Variants in SLC44A4 observed in about 807,000 individuals in gnomAD.
SLC44A4 encodes the protein solute carrier family 44 member 4.
SLC44A4 carries 74 observed loss-of-function variants against 97.0 expected under a neutral mutation model. That is an observed-to-expected ratio of 0.76 (90% CI 0.63 to 0.93). The LOEUF (loss-of-function observed/expected upper bound fraction) is 0.93. Among genes scored for constraint, SLC44A4 ranks in the 40% least tolerant of loss-of-function variants. The pLI is 0.00. For missense variants in SLC44A4, 799 were observed against 902.9 expected, an observed-to-expected ratio of 0.88 and a Z score of 1.48; for synonymous variants, 325 against 363.8, an observed-to-expected ratio of 0.89 and a Z score of 1.21.
At chr6:31,869,318 G>A in intron 12 of SLC44A4, 61 bp from the exon 13 acceptor site, 1 of 1,336,018 alleles carries the variant, frequency 7.5e-7, no homozygotes, top group Non-Finnish European at 1.0e-6. Context: ...TCGCTCCTTA[G>A]GGACCTGTTC....
At chr6:31,864,968 C>T in intron 18 of SLC44A4, 42 bp downstream of exon 18, 3 of 1,613,822 alleles carry the variant, frequency 1.9e-6, no homozygotes, top group Non-Finnish European at 2.5e-6. Flanking sequence ...TTCAGCTGCC[C>T]AGCACCCCTA....
intron 7 of SLC44A4, among the ~76,000 whole-genome samples, chr6:31,873,357 AT>A (rs997742248): frequency 1.3e-5 from 2 of 151,604 alleles, no homozygotes; most frequent in Non-Finnish European, 2.9e-5. Context: ...TAAGTTTTGT[AT>A]TTTTAGTAGA....
chr6:31,863,865 C>A, intron 20 of SLC44A4, 117 bp from the exon 21 acceptor site: 2 of 1,379,996 alleles, frequency 1.4e-6, no homozygotes, highest in Non-Finnish European at 2.0e-6. Flanking sequence ...TACCCCCGGG[C>A]AGGTTATGTA....
At position 31,863,331 on chromosome 6, in the gene SLC44A4, T is replaced by G; in HGVS notation, c.*296A>C. On this transcript the variant is annotated 3_prime_UTR_variant, in exon 21 of 21. Coordinates refer to ENST00000229729, the MANE Select transcript of SLC44A4 (RefSeq NM_025257.3). ...ACCTCTGCCTCCCGGGTTCAAGCGA[T>G]TCTCCTGCCTCAGCCTCCCGAGTAG... The G allele has an allele frequency of 3.4e-6, 1 of 295,480 alleles. No homozygotes were observed. Among genetic ancestry groups the G allele is most frequent in the Non-Finnish European group, 6.3e-6 (1 of 158,882 alleles). The allele number at this position is 295,480 out of a possible 1,614,324, so 18.3% of individuals were successfully genotyped here. A position where few individuals can be genotyped will look rare whatever the true frequency, so the allele number is the denominator to read the frequency against.
rs879861937 is a variant in SLC44A4 at position 31,878,696 on chromosome 6, C to T, written c.40+245G>A. 2.9e-4 allele frequency among the ~76,000 whole-genome samples: 44 copies of T among 152,098 alleles called. No individual in the cohort carries two copies. Among genetic ancestry groups the T allele is most frequent in the Non-Finnish European group, 1.3e-4 (9 of 68,012 alleles). On this transcript the variant is annotated intron_variant, in intron 1 of 20. Transcript: ENST00000229729. This position sits in a 1 kb window ranked among gnomAD's most constrained non-coding sequence, Gnocchi z 4.0. The stretch of plus-strand genomic sequence containing the variant: ...CCCCCTCCTCCCAAGGACCTCAGCC[C>T]CAACTCTTCAGAGGCACCCAGCTTC...
chr6:31,871,521 C>G lies in SLC44A4; in HGVS notation c.570G>C (p.Pro190=). 2 of 1,613,816 alleles carry G rather than the reference C, an allele frequency of 1.2e-6. No individual in the cohort carries two copies. Among genetic ancestry groups the G allele is most frequent in the Admixed American group, 1.7e-5 (1 of 60,002 alleles). Residue 190 remains proline, a synonymous_variant, in exon 8 of 21, where the codon CCG becomes CCC. Coordinates refer to ENST00000229729, the MANE Select transcript of SLC44A4 (RefSeq NM_025257.3). ...TGTCATTGGTGATCCCTGGGAGCGC[C>G]GGTGGAGTAACGTTGGTCCATGGAA... ...RCFPWTNVTP[P]ALPGITNDTT... is the part of the protein sequence containing the mutation.
rs987345880 is a variant in SLC44A4, at chr6:31,876,431, G to A, written c.90-302C>T. 6.6e-6 allele frequency among the ~76,000 whole-genome samples: 1 copy of A among 151,946 alleles called. No homozygotes were observed. Among genetic ancestry groups the A allele is most frequent in the East Asian group, 1.9e-4 (1 of 5,170 alleles). Reference sequence around the variant, plus strand: ...TTACAGGCGCGTGCCACTACTGCCCGGCTAATTTTTTTTAAATATTTTATT... The same window carrying A: ...TTACAGGCGCGTGCCACTACTGCCCAGCTAATTTTTTTTAAATATTTTATT... On this transcript the variant is annotated intron_variant, in intron 2 of 20. Transcript: ENST00000229729. This position sits in a 1 kb window ranked among gnomAD's most constrained non-coding sequence, Gnocchi z 4.8.
intron 7 of SLC44A4, among the ~76,000 whole-genome samples, chr6:31,872,885 A>ATTT (rs9281618): frequency 5.6e-5 from 8 of 143,386 alleles, no homozygotes; most frequent in African/African-American, 1.0e-4. Flanking sequence ...AAATTGTCTA[A>ATTT]TTTTTTTTTT....
Position 31,870,606 on chromosome 6 carries a change from CT to C in SLC44A4, c.1033del (p.Ser345AlafsTer7), listed in dbSNP as rs778518093. 6.3e-7 allele frequency: 1 copy of C among 1,595,928 alleles called. No individual in the cohort carries two copies. The highest frequency in any genetic ancestry group is 8.5e-7 in the Non-Finnish European group (1 of 1,172,012). ...TCCCTCCCAGGCAGGCCCTAACTTG[CT>C]GGCCTCCTTCAGGAGGGCGATGGCA... The part of the protein sequence containing the change: ...RIAIALLKEA[S>X]KAVGQMMSTM... On this transcript the variant is annotated frameshift_variant, in exon 11 of 21. Coordinates refer to ENST00000229729, the MANE Select transcript of SLC44A4 (RefSeq NM_025257.3). LOFTEE classifies it high-confidence loss of function.
Position 31,875,880 on chromosome 6 carries a change from C to T in SLC44A4, c.214G>A (p.Gly72Arg). The T allele has an allele frequency of 6.2e-7, 1 of 1,613,198 alleles. No individual in the cohort carries two copies. Among genetic ancestry groups the T allele is most frequent in the Non-Finnish European group, 8.5e-7 (1 of 1,179,696 alleles). The part of the protein sequence containing the change: ...RQVLYPRNST[G>R]AYCGMGENKD... Reference sequence around the variant, plus strand: ...TTCTCCCCCATGCCACAGTAGGCCCCAGTAGAGTTCCTGGGGTAGAGGACT... The same window carrying T: ...TTCTCCCCCATGCCACAGTAGGCCCTAGTAGAGTTCCTGGGGTAGAGGACT... The change falls in exon 4 of 21, where the codon GGG becomes AGG. Residue 72 changes from glycine (G) to arginine (R), a missense_variant. Gly to Arg is a moderately radical substitution (Grantham distance 125, BLOSUM62 -2). This residue lies in a region of SLC44A4 where 409 missense variants were observed against 434.1 expected (regional missense o/e 0.94). Transcript: ENST00000229729.
At position 31,863,710 on chromosome 6, in the gene SLC44A4, G is replaced by GCCGGTCCAGGGAGCCGTTGTT. The variant is rs780109594; in HGVS notation, c.2029_2049dup (p.Asn677_Arg683dup). ...AGAAGGCTCTTGGACATGTAGTAGG[G>GCCGGTCCAGGGAGCCGTTGTT]CCGGTCCAGGGAGCCGTTGTTCCGC... is the stretch of plus-strand genomic sequence containing the variant. On this transcript the variant is annotated inframe_insertion, in exon 21 of 21. Coordinates refer to ENST00000229729, the MANE Select transcript of SLC44A4 (RefSeq NM_025257.3). 22 of 1,612,652 alleles carry GCCGGTCCAGGGAGCCGTTGTT rather than the reference G, an allele frequency of 1.4e-5. No individual in the cohort carries two copies. Among genetic ancestry groups the GCCGGTCCAGGGAGCCGTTGTT allele is most frequent in the East Asian group, 8.9e-5 (4 of 44,870 alleles).
In SLC44A4 at chr6:31,866,012, G is replaced by A. The variant is rs753420327; in HGVS notation, c.1348C>T (p.Leu450Phe). 4.3e-6 allele frequency: 7 copies of A among 1,614,102 alleles called. No individual in the cohort carries two copies. The East Asian group carries it at 6.7e-5, about 15-fold the overall frequency. Residue 450 changes from leucine (L) to phenylalanine (F), a missense_variant, in exon 14 of 21, where the codon CTC (leucine) becomes TTC (phenylalanine). Physicochemically the swap from Leu to Phe is conservative, Grantham distance 22. This residue lies in a region of SLC44A4 where 379 missense variants were observed against 438.3 expected (regional missense o/e 0.86). Coordinates refer to ENST00000229729, the MANE Select transcript of SLC44A4 (RefSeq NM_025257.3). The stretch of plus-strand genomic sequence containing the variant: ...AGTACCCAGTTAAGGGTCCAGAAGA[G>A]CCCCAGGACCCCATAGATTTGCAGA... ...FNLQIYGVLGLFWTLNWVLAL... is the reference protein window; with the variant it reads ...FNLQIYGVLGFFWTLNWVLAL...
chr6:31,870,378 T>C (rs1348398182), intron 11 of SLC44A4, among the ~76,000 whole-genome samples: 1 of 152,112 alleles, frequency 6.6e-6, no homozygotes, highest in Admixed American at 6.5e-5. Context: ...CTATGTCATA[T>C]TCCAGGCACT....
At chr6:31,875,976 T>TG (rs1763420748) in intron 3 of SLC44A4, 46 bp from the exon 4 acceptor site, 1 of 1,612,954 alleles carries the variant, frequency 6.2e-7, no homozygotes, top group Non-Finnish European at 8.5e-7. Context: ...AGGGACTTAG[T>TG]GGGGCAGTTA....
intron 9 of SLC44A4, 109 bp from the exon 10 acceptor site, chr6:31,871,156 C>A (rs1763153957): frequency 7.9e-7 from 1 of 1,261,078 alleles, no homozygotes; most frequent in Non-Finnish European, 1.1e-6. Flanking sequence ...CCAGATTAGG[C>A]CTCTTTCCCT....
rs200350113 is a variant in SLC44A4 at position 31,871,522 on chromosome 6, G to A, written c.569C>T (p.Pro190Leu). The A allele has an allele frequency of 1.3e-5, 21 of 1,613,856 alleles. 1 individual carries two copies. The highest frequency in any genetic ancestry group is 4.0e-5 in the African/African-American group (3 of 74,968). Residue 190 changes from proline (P) to leucine (L), a missense_variant, in exon 8 of 21, where the codon CCG becomes CTG. Pro to Leu is a moderately conservative substitution (Grantham distance 98). This residue lies in a region of SLC44A4 where 409 missense variants were observed against 434.1 expected (regional missense o/e 0.94). Coordinates refer to ENST00000229729, the MANE Select transcript of SLC44A4 (RefSeq NM_025257.3). ...GTCATTGGTGATCCCTGGGAGCGCC[G>A]GTGGAGTAACGTTGGTCCATGGAAA... ...RCFPWTNVTP[P>L]ALPGITNDTT...
At position 31,874,639 on chromosome 6, in the gene SLC44A4, A is replaced by G; in HGVS notation, c.468+82T>C. The G allele has an allele frequency of 6.4e-7, 1 of 1,562,312 alleles. No individual in the cohort carries two copies. Among genetic ancestry groups the G allele is most frequent in the Non-Finnish European group, 8.7e-7 (1 of 1,154,700 alleles). On this transcript the variant is annotated intron_variant, in intron 6 of 20. Transcript: ENST00000229729. This position sits in a 1 kb window ranked among gnomAD's most constrained non-coding sequence, Gnocchi z 4.8. ...ACTCCCCAGGAGAGCCAACCTGGTG[A>G]TGATCTACCCAACTCCCCCTCCCTC...
chr6:31,865,008 A>G lies in SLC44A4; in HGVS notation c.1831+2T>C. 6.2e-7 allele frequency: 1 copy of G among 1,613,758 alleles called. No individual in the cohort carries two copies. Among genetic ancestry groups the G allele is most frequent in the Non-Finnish European group, 8.5e-7 (1 of 1,179,998 alleles). ...CTGTCCCCACAGCTTCTGGTCCCTT[A>G]CCCACGCCTCCGACCACCAGCAGCT... is the stretch of plus-strand genomic sequence containing the variant. On this transcript the variant is annotated splice_donor_variant, in intron 18 of 20. Transcript: ENST00000229729. LOFTEE classifies it high-confidence loss of function. The surrounding 1 kb of genome is among the most constrained non-coding windows in gnomAD (Gnocchi z 5.2).
rs1415128083 is a variant in SLC44A4 at position 31,878,521 on chromosome 6, A to C, written c.40+420T>G. ...GCTGAACCTCCTCCTCCTTACAGGG[A>C]CCCTGGCCTCACTGGTTGCAGGCTC... On this transcript the variant is annotated intron_variant, in intron 1 of 20. Transcript: ENST00000229729. The surrounding 1 kb of genome is among the most constrained non-coding windows in gnomAD (Gnocchi z 4.0). 6.6e-6 allele frequency among the ~76,000 whole-genome samples: 1 copy of C among 151,892 alleles called. No individual in the cohort carries two copies. The highest frequency in any genetic ancestry group is 1.5e-5 in the Non-Finnish European group (1 of 67,972).
Sources: allele counts gnomAD v4.1 joint callset (sites outside exome capture counted in the v4.1 genomes callset), GRCh38; gene constraint gnomAD v4.1.1; regional missense constraint gnomAD v4.1.1; non-coding constraint Gnocchi (gnomAD v3.1); transcripts MANE v1.5; gene names NCBI Gene and HGNC (gene_info 2026-07-23, HGNC 2026-07-21).